The following PIAS2 variants were observed in gnomAD, a reference collection of about 807,000 sequenced individuals.
The protein encoded by PIAS2 is protein inhibitor of activated STAT 2.
A neutral mutation model predicts 69.7 loss-of-function variants in PIAS2; 19 were observed. That is an observed-to-expected ratio of 0.27 (90% CI 0.19 to 0.40). The LOEUF (loss-of-function observed/expected upper bound fraction) is 0.40, where lower values mean the gene tolerates loss of function less well. PIAS2 is among the 10% of genes least tolerant of loss of function. The probability of loss-of-function intolerance (pLI) is 1.00; values close to 1 mark genes in which losing one functional copy is unlikely to be tolerated. For synonymous variants in PIAS2, 261 were observed against 263.2 expected (o/e 0.99, Z 0.08); for missense variants, 624 against 757.0 (o/e 0.82, Z 2.06).
At chr18:46,833,855 G>A (rs1417901114) in intron 9 of PIAS2, among the ~76,000 whole-genome samples, 2 of 152,154 alleles carry the variant, frequency 1.3e-5, no homozygotes, top group African/African-American at 2.4e-5. Context: ...AGATCTGTGG[G>A]AGAGATTATT....
intron 8 of PIAS2, among the ~76,000 whole-genome samples, chr18:46,841,920 C>T (rs924842725): frequency 1.3e-5 from 2 of 152,194 alleles, no homozygotes; most frequent in Non-Finnish European, 2.9e-5. Flanking sequence ...CTCTCTGATA[C>T]ACTACTTTCA....
Position 46,890,689 on chromosome 18 carries a change from A to G in PIAS2, c.390T>C (p.Phe130=). The stretch of plus-strand genomic sequence containing the variant: ...TTGGGGGAGATGGCTGCTGCATCTC[A>G]AATGTGGGCTTAGTATCTTGAAGCA... ...SVLLQDTKPT[F]EMQQPSPPIP... Residue 130 remains phenylalanine (F), a synonymous_variant, in exon 2 of 14, where the codon TTT becomes TTC. Coordinates refer to ENST00000585916, the MANE Select transcript of PIAS2 (RefSeq NM_004671.5). The G allele has an allele frequency of 1.2e-6, 2 of 1,614,094 alleles. No individual in the cohort carries two copies. Among genetic ancestry groups the G allele is most frequent in the Non-Finnish European group, 1.7e-6 (2 of 1,179,946 alleles).
intron 10 of PIAS2, 72 bp from the exon 11 acceptor site, chr18:46,828,202 GTA>G (rs1188729284): frequency 1.6e-6 from 2 of 1,275,628 alleles, no homozygotes; most frequent in African/African-American, 3.0e-5. Flanking sequence ...GTAGAGTCTA[GTA>G]TATTCAGTAT....
intron 5 of PIAS2, among the ~76,000 whole-genome samples, chr18:46,851,020 A>G (rs2046887409): frequency 6.6e-6 from 1 of 152,150 alleles, no homozygotes; most frequent in Non-Finnish European, 1.5e-5. Context: ...AGATGTCAAA[A>G]TTATCCCTTC....
chr18:46,917,717 C>G, upstream of PIAS2: 1 of 294,862 alleles, frequency 3.4e-6, no homozygotes, highest in Non-Finnish European at 5.1e-6. Context: ...TGCGGACTGC[C>G]TAGAGCTGGG....
In PIAS2 at chr18:46,855,330, T is replaced by TA; in HGVS notation, c.726+14dup. ...TAAACTTATATGCAAATCTGGTGAATAAAAAGCAACTTACAGGCAAAGGAA... is the reference window on the plus strand; with the variant it reads ...TAAACTTATATGCAAATCTGGTGAATAAAAAAGCAACTTACAGGCAAAGGAA... On this transcript the variant is annotated intron_variant, in intron 5 of 13. Coordinates refer to ENST00000585916, the MANE Select transcript of PIAS2 (RefSeq NM_004671.5). 6.4e-7 allele frequency: 1 copy of TA among 1,558,886 alleles called. No individual in the cohort carries two copies. The highest frequency in any genetic ancestry group is 8.8e-7 in the Non-Finnish European group (1 of 1,139,138).
chr18:46,833,260 G>A (rs574600203), intron 9 of PIAS2, among the ~76,000 whole-genome samples: 2 of 152,266 alleles, frequency 1.3e-5, no homozygotes, highest in Admixed American at 6.5e-5. Flanking sequence ...TCTCAAACAA[G>A]TATGTTGAGT....
intron 2 of PIAS2, among the ~76,000 whole-genome samples, chr18:46,876,617 A>T (rs1314128296): frequency 6.6e-6 from 1 of 152,204 alleles, no homozygotes; most frequent in Non-Finnish European, 1.5e-5. Context: ...ATGGAACCAT[A>T]ACAACAAAAG....
chr18:46,810,584 C>A lies in PIAS2; in HGVS notation c.*1849G>T, dbSNP rs974631091. ...ACTGCTCGTAGATTTGGGTTTGTTT[C>A]CCCCCCAACATCTTTAAAATAAGCA... On this transcript the variant is annotated 3_prime_UTR_variant, in exon 14 of 14. Transcript: ENST00000585916. The A allele has an allele frequency of 1.3e-5, 2 of 151,900 alleles. No individual in the cohort carries two copies. Among genetic ancestry groups the A allele is most frequent in the East Asian group, 3.9e-4 (2 of 5,178 alleles). The allele number at this position is 151,900 out of a possible 1,614,324, so 9.4% of individuals were successfully genotyped here.
rs2040836363 is a variant in PIAS2 at position 46,808,845 on chromosome 18, A to T, written c.*3588T>A. 1 of 146,290 alleles carries T rather than the reference A, an allele frequency of 6.8e-6. No homozygotes were observed. 9.1% of individuals were successfully genotyped at this position (146,290 alleles called of 1,614,324 possible). On this transcript the variant is annotated 3_prime_UTR_variant, in exon 14 of 14. Coordinates refer to ENST00000585916, the MANE Select transcript of PIAS2 (RefSeq NM_004671.5). Reference sequence around the variant, plus strand: ...GCTTTTTTTTTTTTTTTTTTTTTTAAACCAACTGAAGGCCAGAGAAATGAA... The same window carrying T: ...GCTTTTTTTTTTTTTTTTTTTTTTATACCAACTGAAGGCCAGAGAAATGAA...
chr18:46,862,131 G>C (rs974339727), intron 3 of PIAS2, among the ~76,000 whole-genome samples: 2 of 152,150 alleles, frequency 1.3e-5, no homozygotes, highest in Admixed American at 6.5e-5. Context: ...AGGAGTTCAA[G>C]ACAACCCTGG....
At chr18:46,847,419 C>T (rs1169878329) in intron 5 of PIAS2, among the ~76,000 whole-genome samples, 1 of 151,844 alleles carries the variant, frequency 6.6e-6, no homozygotes, top group Non-Finnish European at 1.5e-5. Context: ...ATTAAATGAG[C>T]CTGATGGCTA....
intron 3 of PIAS2, among the ~76,000 whole-genome samples, chr18:46,862,486 C>T (rs543512994): frequency 1.3e-5 from 2 of 152,218 alleles, no homozygotes; most frequent in East Asian, 1.9e-4. Context: ...CAATTCCTTG[C>T]TCTGCTTTTA....
At chr18:46,886,782 G>A (rs905508894) in intron 2 of PIAS2, among the ~76,000 whole-genome samples, 3 of 152,060 alleles carry the variant, frequency 2.0e-5, no homozygotes, top group African/African-American at 7.2e-5. Flanking sequence ...AGGCCGCAGT[G>A]AGCCGAGACA....
chr18:46,885,662 T>G (rs537015000), intron 2 of PIAS2, among the ~76,000 whole-genome samples: 120 of 151,862 alleles, frequency 7.9e-4, no homozygotes, highest in African/African-American at 2.7e-3. Context: ...CCAGCCTGGG[T>G]GACAGAGCGA....
In PIAS2 at chr18:46,810,560, C is replaced by T. The variant is rs1169238453; in HGVS notation, c.*1873G>A. On this transcript the variant is annotated 3_prime_UTR_variant, in exon 14 of 14. Coordinates refer to ENST00000585916, the MANE Select transcript of PIAS2 (RefSeq NM_004671.5). ...TAAAACTGGCAACTATGTGCAACTA[C>T]TGCTCGTAGATTTGGGTTTGTTTCC... The T allele has an allele frequency of 1.3e-5, 2 of 152,158 alleles. No individual in the cohort carries two copies. Among genetic ancestry groups the T allele is most frequent in the Non-Finnish European group, 2.9e-5 (2 of 68,042 alleles). 9.4% of individuals were successfully genotyped at this position (152,158 alleles called of 1,614,324 possible).
At position 46,917,370 on chromosome 18, in the gene PIAS2, G is replaced by A. The variant is rs752335076; in HGVS notation, c.-25C>T. The A allele has an allele frequency of 1.4e-5, 21 of 1,452,778 alleles. No homozygotes were observed. The highest frequency in any genetic ancestry group is 3.2e-5 in the East Asian group (1 of 31,716). 90.0% of individuals were successfully genotyped at this position (1,452,778 alleles called of 1,614,324 possible). On this transcript the variant is annotated 5_prime_UTR_variant, in exon 1 of 14. Transcript: ENST00000585916. Reference sequence around the variant, plus strand: ...TTTTATACCACCCGCGGGCGCCGCCGCCGCTGCCGCCGCACCCACTCCCGC... The same window carrying A: ...TTTTATACCACCCGCGGGCGCCGCCACCGCTGCCGCCGCACCCACTCCCGC...
chr18:46,918,916 CT>C (rs935253186), upstream of PIAS2, among the ~76,000 whole-genome samples: 2 of 151,830 alleles, frequency 1.3e-5, no homozygotes, highest in African/African-American at 4.8e-5. Flanking sequence ...GGACCCTGAA[CT>C]TTTTCTTCCT....
chr18:46,881,960 G>C (rs1449899179), intron 2 of PIAS2, among the ~76,000 whole-genome samples: 4 of 152,156 alleles, frequency 2.6e-5, no homozygotes, highest in Non-Finnish European at 5.9e-5. Flanking sequence ...AGCTGGGCAT[G>C]GTGACACATG....
Sources: allele counts gnomAD v4.1 joint callset (sites outside exome capture counted in the v4.1 genomes callset), GRCh38; gene constraint gnomAD v4.1.1; transcripts MANE v1.5; gene names NCBI Gene and HGNC (gene_info 2026-07-23, HGNC 2026-07-21).